The following NGEF variants were observed in gnomAD, a reference collection of about 807,000 sequenced individuals.
NGEF encodes ephexin-1.
NGEF carries 31 observed loss-of-function variants against 80.9 expected under a neutral mutation model. The observed-to-expected ratio is 0.38, with a 90% CI of 0.29 to 0.52. The LOEUF (loss-of-function observed/expected upper bound fraction) is 0.52. NGEF is among the 20% of genes least tolerant of loss of function. NGEF has a pLI of 0.84. For missense variants in NGEF, 709 were observed against 926.2 expected, an observed-to-expected ratio of 0.77 and a Z score of 3.04; for synonymous variants, 371 against 370.2, an observed-to-expected ratio of 1.00 and a Z score of -0.03.
At chr2:232,963,767 C>A (rs186846949) in intron 3 of NGEF, among the ~76,000 whole-genome samples, 3 of 151,816 alleles carry the variant, frequency 2.0e-5, no homozygotes, top group African/African-American at 7.3e-5. Flanking sequence ...GAGCCAAGAT[C>A]GTGCCACTGC....
intron 3 of NGEF, among the ~76,000 whole-genome samples, chr2:232,938,370 C>T (rs1392582122): frequency 6.6e-6 from 1 of 152,096 alleles, no homozygotes; most frequent in Non-Finnish European, 1.5e-5. Flanking sequence ...AAACGAATTG[C>T]CTAAAACAGG....
At chr2:232,907,243 G>C (rs761336701) in intron 5 of NGEF, among the ~76,000 whole-genome samples, 39 of 148,180 alleles carry the variant, frequency 2.6e-4, no homozygotes, top group Non-Finnish European at 4.3e-4. Context: ...TGAAATCCTG[G>C]CTCCCCTGTG....
chr2:232,921,627 C>CTTTTTTTTTTT (rs34498818), intron 4 of NGEF, among the ~76,000 whole-genome samples: 1 of 139,660 alleles, frequency 7.2e-6, no homozygotes. Flanking sequence ...AGTTTTTCCT[C>CTTTTTTTTTTT]TTTTTTTTTT....
chr2:232,976,259 G>A (rs1028640272), intron 1 of NGEF, among the ~76,000 whole-genome samples: 1 of 152,122 alleles, frequency 6.6e-6, no homozygotes, highest in African/African-American at 2.4e-5. Flanking sequence ...AGCTCAACCA[G>A]TGTTCTACGA....
At chr2:232,970,888 A>T (rs1361879283) in intron 2 of NGEF, among the ~76,000 whole-genome samples, 1 of 152,220 alleles carries the variant, frequency 6.6e-6, no homozygotes, top group East Asian at 1.9e-4. Flanking sequence ...GGAAAAAAAG[A>T]TATTGGAAAT....
intron 4 of NGEF, among the ~76,000 whole-genome samples, chr2:232,926,698 G>C (rs1189298846): frequency 6.6e-6 from 1 of 152,128 alleles, no homozygotes; most frequent in Non-Finnish European, 1.5e-5. Flanking sequence ...GGATAGTGGA[G>C]TCCTCCCCGC....
At chr2:232,961,987 G>C (rs1473590915) in intron 3 of NGEF, among the ~76,000 whole-genome samples, 1 of 152,166 alleles carries the variant, frequency 6.6e-6, no homozygotes, top group Admixed American at 6.6e-5. Flanking sequence ...GTTTTTGATG[G>C]CTTCTTCATT....
intron 9 of NGEF, 66 bp from the exon 10 acceptor site, chr2:232,885,435 G>T: frequency 4.4e-6 from 6 of 1,375,384 alleles, no homozygotes; most frequent in Non-Finnish European, 6.2e-6. Flanking sequence ...CCTCCAGCTC[G>T]GTCAGGCCAC....
intron 3 of NGEF, chr2:232,927,888 C>T: frequency 7.7e-7 from 1 of 1,292,354 alleles, no homozygotes; most frequent in Non-Finnish European, 9.8e-7. Flanking sequence ...GGCGCCCGTC[C>T]TCACCTGCCG....
At chr2:232,932,278 T>G (rs1693232348) in intron 3 of NGEF, among the ~76,000 whole-genome samples, 1 of 151,166 alleles carries the variant, frequency 6.6e-6, no homozygotes, top group Non-Finnish European at 1.5e-5. Flanking sequence ...GATTCTCCTG[T>G]CTCAGCCTCC....
intron 1 of NGEF, among the ~76,000 whole-genome samples, chr2:232,991,341 TA>T (rs397717615): frequency 1.9e-4 from 14 of 72,696 alleles, no homozygotes; most frequent in South Asian, 9.5e-4. Context: ...AGGAATCCAG[TA>T]AAAAAAAACA....
intron 3 of NGEF, among the ~76,000 whole-genome samples, chr2:232,969,342 TCAAA>T (rs1694134255): frequency 1.3e-5 from 2 of 151,634 alleles, no homozygotes; most frequent in African/African-American, 4.8e-5. Context: ...AATCCTGGGC[TCAAA>T]CAATCTTCTG....
intron 5 of NGEF, among the ~76,000 whole-genome samples, chr2:232,917,232 G>T (rs988126052): frequency 1.3e-5 from 2 of 152,208 alleles, no homozygotes; most frequent in South Asian, 4.1e-4. Context: ...AAAACTAAAA[G>T]AAGTGGAAAA....
intron 5 of NGEF, 150 bp from the exon 6 acceptor site, chr2:232,895,066 G>T: frequency 1.2e-6 from 1 of 815,936 alleles, no homozygotes; most frequent in Non-Finnish European, 1.9e-6. Context: ...GCTGCTGCAG[G>T]GGCAGCTGGT....
intron 14 of NGEF, 75 bp downstream of exon 14, chr2:232,881,071 G>T: frequency 8.4e-7 from 1 of 1,189,418 alleles, no homozygotes; most frequent in Non-Finnish European, 1.2e-6. Context: ...GGTGGCATCT[G>T]CTTCTCCCCC....
chr2:232,932,163 C>CTTTTTTTTTTTTTTTTTTTTTTTTTTTT (rs397988249), intron 3 of NGEF, among the ~76,000 whole-genome samples: 1 of 115,590 alleles, frequency 8.7e-6, no homozygotes, highest in Non-Finnish European at 1.7e-5. Flanking sequence ...AATCACCTTT[C>CTTTTTTTTTTTTTTTTTTTTTTTTTTTT]TTTTTTTTTT....
chr2:233,011,356 G>A (rs1695199175), intron 1 of NGEF, among the ~76,000 whole-genome samples: 1 of 152,156 alleles, frequency 6.6e-6, no homozygotes, highest in Non-Finnish European at 1.5e-5. Context: ...GGCCCATGTA[G>A]ATGGGGAAGG....
intron 3 of NGEF, among the ~76,000 whole-genome samples, chr2:232,962,698 C>T (rs922671358): frequency 1.3e-5 from 2 of 151,674 alleles, no homozygotes; most frequent in African/African-American, 4.9e-5. Flanking sequence ...AGATGAAATA[C>T]CTATGAACAA....
intron 3 of NGEF, among the ~76,000 whole-genome samples, chr2:232,938,594 T>A (rs747701457): frequency 5.9e-5 from 9 of 152,006 alleles, no homozygotes; most frequent in African/African-American, 9.7e-5. Flanking sequence ...AAGGGGCACC[T>A]AAGGGGTAAA....
Sources: gnomAD v4.1 joint callset for allele counts (sites outside exome capture counted in the v4.1 genomes callset) on GRCh38, gnomAD v4.1.1 for gene constraint, MANE v1.5 for transcripts, NCBI Gene and HGNC (gene_info 2026-07-23, HGNC 2026-07-21) for gene names.